Variants in ORC1 observed in about 807,000 individuals in gnomAD.
ORC1 encodes the protein origin recognition complex, subunit 1 homolog.
In ORC1, 61 loss-of-function variants were observed where a neutral mutation model predicts 98.9. The ratio of observed to expected loss-of-function variants is 0.62; its 90% CI spans 0.50 to 0.76. ORC1 has a LOEUF of 0.76. Ranked by LOEUF, ORC1 falls within the 30% of genes least tolerant of loss-of-function variation. The pLI is 0.00. For missense variants in ORC1, 979 were observed against 1,072.2 expected (o/e 0.91, Z 1.21); for synonymous variants, 385 against 406.9 (o/e 0.95, Z 0.65).
At chr1:52,396,486 C>A in intron 4 of ORC1, 122 bp from the exon 5 acceptor site, 1 of 1,203,400 alleles carries the variant, frequency 8.3e-7, no homozygotes, top group South Asian at 1.3e-5. Context: ...GTTACCTTTC[C>A]AATCTAAAGA....
intron 4 of ORC1, among the ~76,000 whole-genome samples, chr1:52,396,809 A>G (rs1647420586): frequency 6.6e-6 from 1 of 152,166 alleles, no homozygotes; most frequent in Non-Finnish European, 1.5e-5. Flanking sequence ...TTATCTAAAC[A>G]TGCTCGCCTG....
intron 3 of ORC1, among the ~76,000 whole-genome samples, chr1:52,399,194 A>C (rs992646995): frequency 6.6e-6 from 1 of 152,186 alleles, no homozygotes; most frequent in African/African-American, 2.4e-5. Flanking sequence ...TCCTAGCAAG[A>C]ATTATAGCAT....
rs1314649654 is a variant in ORC1 at position 52,383,647 on chromosome 1, C to T, written c.1864-78G>A. ...GCTTCAAAATGAAGACCTATAACCA[C>T]TGCTTTAGCTGCATGTTTCCCAAGT... On this transcript the variant is annotated intron_variant, in intron 12 of 16. Coordinates refer to ENST00000371568, the MANE Select transcript of ORC1 (RefSeq NM_004153.4). The T allele has an allele frequency of 4.7e-6, 7 of 1,498,074 alleles. No homozygotes were observed. The African/African-American group carries it at 8.3e-5, about 18-fold the overall frequency. The allele number at this position is 1,498,074 out of a possible 1,614,324, so 92.8% of individuals were successfully genotyped here.
chr1:52,408,413 C>A, upstream of ORC1: 4 of 937,922 alleles, frequency 4.3e-6, no homozygotes, highest in South Asian at 1.3e-5. Context: ...CATATTTTAG[C>A]TGTCTTTCTT....
Position 52,375,567 on chromosome 1 carries a change from G to GCACCGTCGTGCATCTCCAGA in ORC1, c.2146_2165dup (p.Asp724GlufsTer32). The GCACCGTCGTGCATCTCCAGA allele has an allele frequency of 1.9e-6, 3 of 1,614,072 alleles. No homozygotes were observed. Among genetic ancestry groups the GCACCGTCGTGCATCTCCAGA allele is most frequent in the Non-Finnish European group, 2.5e-6 (3 of 1,180,026 alleles). ...CTGTGGCACGCCTGCAGATGTCCAGGCACCGTCGTGCATCTCCAGACAGTG... is the reference window on the plus strand; with the variant it reads ...CTGTGGCACGCCTGCAGATGTCCAGGCACCGTCGTGCATCTCCAGACACCGTCGTGCATCTCCAGACAGTG... On this transcript the variant is annotated frameshift_variant, in exon 15 of 17. Transcript: ENST00000371568. LOFTEE classifies it high-confidence loss of function.
chr1:52,408,711 C>T (rs773876192), upstream of ORC1: 4 of 1,610,512 alleles, frequency 2.5e-6, no homozygotes, highest in Non-Finnish European at 3.4e-6. Context: ...TGCTAAGTCT[C>T]CTGATTGTCA....
upstream of ORC1, chr1:52,405,904 G>C (rs181263033): frequency 2.2e-6 from 3 of 1,353,984 alleles, no homozygotes; most frequent in African/African-American, 4.3e-5. Flanking sequence ...TTGGGCTTTG[G>C]TTAAGAGGGG....
At chr1:52,373,812 A>G (rs1022146282) in intron 16 of ORC1, among the ~76,000 whole-genome samples, 1 of 152,208 alleles carries the variant, frequency 6.6e-6, no homozygotes, top group Non-Finnish European at 1.5e-5. Context: ...CACTTTCCTT[A>G]TCAGGTACAG....
intron 9 of ORC1, among the ~76,000 whole-genome samples, chr1:52,385,601 T>C (rs1353787190): frequency 1.3e-5 from 2 of 152,112 alleles, no homozygotes; most frequent in Admixed American, 6.5e-5. Context: ...TCATCTTCCA[T>C]CCCTGCGGAA....
chr1:52,386,954 CA>C (rs569960744), intron 8 of ORC1, among the ~76,000 whole-genome samples: 11 of 146,558 alleles, frequency 7.5e-5, no homozygotes, highest in African/African-American at 1.8e-4. Context: ...GAGCGTGTCT[CA>C]AAAAAAAACA....
At chr1:52,388,925 G>C (rs1421591619) in intron 7 of ORC1, among the ~76,000 whole-genome samples, 1 of 152,170 alleles carries the variant, frequency 6.6e-6, no homozygotes, top group Non-Finnish European at 1.5e-5. Context: ...ACAAAGCCCA[G>C]GTTCAAATCC....
At chr1:52,396,023 C>A (rs534177484) in intron 5 of ORC1, 23 bp downstream of exon 5, 2 of 1,614,138 alleles carry the variant, frequency 1.2e-6, no homozygotes, top group South Asian at 2.2e-5. Context: ...GTATTGCCCA[C>A]GGTGATCCAT....
rs1407216773 is a variant in ORC1, at chr1:52,385,860, G to T, written c.1473C>A (p.Ala491=). The change falls in exon 9 of 17, where the codon GCC becomes GCA. Residue 491 remains alanine (A), a synonymous_variant. Transcript: ENST00000371568. ...AQEPASVLEE[A]RLRLHVSAVP... is the part of the protein sequence containing the mutation. ...ATCAACAGCAGCAGTACCTCAGTCGGGCTTCCTCCAGCACACTGGCTGGCT... is the reference window on the plus strand; with the variant it reads ...ATCAACAGCAGCAGTACCTCAGTCGTGCTTCCTCCAGCACACTGGCTGGCT... 6.2e-7 allele frequency: 1 copy of T among 1,612,724 alleles called. No individual in the cohort carries two copies. Among genetic ancestry groups the T allele is most frequent in the Admixed American group, 1.7e-5 (1 of 60,010 alleles).
chr1:52,409,436 C>T, the ORC1 span: 1 of 152,156 alleles, frequency 6.6e-6, no homozygotes, highest in African/African-American at 2.4e-5. Context: ...TATGGTGAAA[C>T]CCTATATCTA....
rs3087470 is a variant in ORC1 at position 52,388,459 on chromosome 1, T to C, written c.1366A>G (p.Lys456Glu). 2 of 1,614,026 alleles carry C rather than the reference T, an allele frequency of 1.2e-6. No individual in the cohort carries two copies. The highest frequency in any genetic ancestry group is 2.2e-5 in the East Asian group (1 of 44,882). The change falls in exon 8 of 17, where the codon AAG (lysine) becomes GAG (glutamate). Residue 456 changes from lysine to glutamate, a missense_variant. By Grantham distance (56) the Lys-to-Glu change is moderately conservative. Coordinates refer to ENST00000371568, the MANE Select transcript of ORC1 (RefSeq NM_004153.4). ...SLKSSLHTLT[K>E]VPKKSLKPRT... ...AACCTTACACTCTTCTTTGGCACCT[T>C]CGTGAGGGTATGTAAGGATGACTTC...
At chr1:52,408,904 C>T, upstream of ORC1, 1 of 467,470 alleles carries the variant, frequency 2.1e-6, no homozygotes, top group Non-Finnish European at 3.8e-6. Flanking sequence ...TGTCTGTCTC[C>T]CTTTCCAAGT....
At position 52,385,936 on chromosome 1, in the gene ORC1, G is replaced by A. The variant is rs3087481; in HGVS notation, c.1397C>T (p.Thr466Met). The change falls in exon 9 of 17, where the codon ACG (threonine) becomes ATG (methionine). Residue 466 changes from threonine to methionine, a missense_variant. Coordinates refer to ENST00000371568, the MANE Select transcript of ORC1 (RefSeq NM_004153.4). ...KVPKKSLKPR[T>M]PRCAAPQIRS... ...GATCTGAGGAGCGGCACAACGTGGC[G>A]TTCTAGGCTTGAGCTGTATTGAAAA... is the stretch of plus-strand genomic sequence containing the variant. 7.5e-3 allele frequency: 12,110 copies of A among 1,613,220 alleles called. 487 individuals are homozygous for A. In the East Asian group the frequency reaches 0.1, roughly 14 times the overall value.
chr1:52,394,383 T>C (rs1244357750), intron 5 of ORC1, among the ~76,000 whole-genome samples: 1 of 152,186 alleles, frequency 6.6e-6, no homozygotes, highest in African/African-American at 2.4e-5. Context: ...AAGGCAGGCG[T>C]GTGCCAGGGG....
chr1:52,394,785 A>C (rs901489984), intron 5 of ORC1, among the ~76,000 whole-genome samples: 1 of 151,990 alleles, frequency 6.6e-6, no homozygotes, highest in Non-Finnish European at 1.5e-5. Flanking sequence ...AGTAGCTGGG[A>C]TTACAGGTAT....
Sources: gnomAD v4.1 joint callset for allele counts (sites outside exome capture counted in the v4.1 genomes callset) on GRCh38, gnomAD v4.1.1 for gene constraint, MANE v1.5 for transcripts, NCBI Gene and HGNC (gene_info 2026-07-23, HGNC 2026-07-21) for gene names.